The following SGPP1 variants were observed in gnomAD, a reference collection of about 807,000 sequenced individuals.
SGPP1 encodes hSPP1.
In SGPP1, 21 loss-of-function variants were observed where a neutral mutation model predicts 33.0. The observed-to-expected ratio is 0.64, with a 90% CI of 0.45 to 0.92. SGPP1 has a LOEUF of 0.92. Among genes scored for constraint, SGPP1 ranks in the 40% least tolerant of loss-of-function variants. The pLI is 0.00. For missense variants in SGPP1, 543 were observed against 589.4 expected (o/e 0.92, Z 0.81); for synonymous variants, 239 against 241.2 (o/e 0.99, Z 0.08).
At chr14:63,726,788 A>C (rs540946968) in intron 1 of SGPP1, among the ~76,000 whole-genome samples, 61 of 152,328 alleles carry the variant, frequency 4.0e-4, no homozygotes, top group African/African-American at 1.3e-3. Context: ...TTGTTTTGGA[A>C]TTACACTAAC....
chr14:63,688,315 C>CAAAAAAAAAAAAAAAAAAA (rs71120275), intron 2 of SGPP1, among the ~76,000 whole-genome samples: 2 of 31,432 alleles, frequency 6.4e-5, no homozygotes, highest in African/African-American at 9.9e-5. Context: ...GACTCTGTCT[C>CAAAAAAAAAAAAAAAAAAA]AAAAAAAAAA....
intron 1 of SGPP1, among the ~76,000 whole-genome samples, chr14:63,713,566 A>G (rs1484840659): frequency 1.3e-5 from 2 of 152,208 alleles, no homozygotes; most frequent in African/African-American, 2.4e-5. Context: ...CAAAATCTCT[A>G]AAGTCTAAAA....
chr14:63,720,978 G>T (rs139478105), intron 1 of SGPP1, among the ~76,000 whole-genome samples: 1,703 of 152,210 alleles, frequency 0.011, 34 homozygotes, highest in African/African-American at 0.038. Flanking sequence ...TGCCTCCCAG[G>T]TTAAAGCAAT....
chr14:63,727,671 C>A lies in SGPP1; in HGVS notation c.274G>T (p.Gly92Trp). The stretch of plus-strand genomic sequence containing the variant: ...GCCGGGCCCAGCTCGGCCGCCAGCC[C>A]GTTCCGCACGCCGTTGGGGGCGCCG... ...GGGAPNGVRN[G>W]LAAELGPASP... The change falls in exon 1 of 3, where the codon GGG (glycine) becomes TGG (tryptophan). Residue 92 changes from glycine to tryptophan, a missense_variant. Gly to Trp is a radical substitution (Grantham distance 184). Transcript: ENST00000247225. 6 of 1,336,892 alleles carry A rather than the reference C, an allele frequency of 4.5e-6. No individual in the cohort carries two copies. The highest frequency in any genetic ancestry group is 1.9e-5 in the South Asian group (1 of 51,884). The allele number at this position is 1,336,892 out of a possible 1,614,324, so 82.8% of individuals were successfully genotyped here.
intron 1 of SGPP1, among the ~76,000 whole-genome samples, chr14:63,719,942 C>G (rs1885734132): frequency 6.7e-6 from 1 of 149,280 alleles, no homozygotes; most frequent in African/African-American, 2.5e-5. Context: ...CGGTGAAACC[C>G]CATCTCTACT....
intron 1 of SGPP1, among the ~76,000 whole-genome samples, chr14:63,724,514 T>G (rs971617806): frequency 6.8e-6 from 1 of 146,302 alleles, no homozygotes; most frequent in Non-Finnish European, 1.5e-5. Flanking sequence ...AGGCTTTCTA[T>G]ATAAGCCTCC....
chr14:63,695,943 T>C (rs1361258443), intron 2 of SGPP1, among the ~76,000 whole-genome samples: 1 of 151,806 alleles, frequency 6.6e-6, no homozygotes, highest in East Asian at 1.9e-4. Context: ...AGAACAGATG[T>C]TGTCCATCCT....
intron 2 of SGPP1, among the ~76,000 whole-genome samples, chr14:63,693,580 G>A (rs560191207): frequency 1.3e-5 from 2 of 152,234 alleles, no homozygotes; most frequent in East Asian, 3.9e-4. Context: ...GTGAAATGAA[G>A]GGTTAACAGC....
Position 63,686,009 on chromosome 14 carries a change from T to A in SGPP1, c.*96A>T, listed in dbSNP as rs576257487. On this transcript the variant is annotated 3_prime_UTR_variant, in exon 3 of 3. Coordinates refer to ENST00000247225, the MANE Select transcript of SGPP1 (RefSeq NM_030791.4). ...TAAATAATTATTTAAGTTAAATTCC[T>A]GCAAAAGCCTAATTCTGACCTGGCT... is the stretch of plus-strand genomic sequence containing the variant. The A allele has an allele frequency of 1.5e-6, 1 of 680,532 alleles. No homozygotes were observed. The highest frequency in any genetic ancestry group is 2.9e-5 in the East Asian group (1 of 34,546). The allele number at this position is 680,532 out of a possible 1,614,324, so 42.2% of individuals were successfully genotyped here.
chr14:63,698,949 A>G (rs1885244142), intron 1 of SGPP1, among the ~76,000 whole-genome samples: 1 of 152,206 alleles, frequency 6.6e-6, no homozygotes, highest in Non-Finnish European at 1.5e-5. Flanking sequence ...GGCATGGTAT[A>G]GGAGGAGGAG....
At chr14:63,701,574 C>G (rs1885300491) in intron 1 of SGPP1, among the ~76,000 whole-genome samples, 1 of 152,024 alleles carries the variant, frequency 6.6e-6, no homozygotes, top group African/African-American at 2.4e-5. Context: ...TTTCTGATCA[C>G]CAAGTATGAC....
At chr14:63,694,997 G>C (rs2139631693) in intron 2 of SGPP1, among the ~76,000 whole-genome samples, 1 of 152,040 alleles carries the variant, frequency 6.6e-6, no homozygotes, top group Non-Finnish European at 1.5e-5. Context: ...CTAGTGATTT[G>C]CTGAGACTGA....
chr14:63,724,907 C>T (rs1240289702), intron 1 of SGPP1, among the ~76,000 whole-genome samples: 2 of 150,116 alleles, frequency 1.3e-5, no homozygotes, highest in Non-Finnish European at 1.5e-5. Context: ...AAAGCTGGCA[C>T]TTGGGAGGCC....
chr14:63,707,156 T>C (rs1013657152), intron 1 of SGPP1, among the ~76,000 whole-genome samples: 3 of 152,022 alleles, frequency 2.0e-5, no homozygotes, highest in Non-Finnish European at 2.9e-5. Flanking sequence ...TTGCATCTAA[T>C]GTCAGTGTTA....
At chr14:63,692,049 A>G (rs1885102843) in intron 2 of SGPP1, among the ~76,000 whole-genome samples, 1 of 152,262 alleles carries the variant, frequency 6.6e-6, no homozygotes, top group African/African-American at 2.4e-5. Context: ...CAAGAGCTCT[A>G]TAAGAGAAGC....
rs113513320 is a variant in SGPP1, at chr14:63,723,950, T to C, written c.684+3311A>G. On this transcript the variant is annotated intron_variant, in intron 1 of 2. Coordinates refer to ENST00000247225, the MANE Select transcript of SGPP1 (RefSeq NM_030791.4). ...TGAAGTGCAGTGGTGCAATCACACCTCACTGCAGCCTCAACCTCCCAGGCT... is the reference window on the plus strand; with the variant it reads ...TGAAGTGCAGTGGTGCAATCACACCCCACTGCAGCCTCAACCTCCCAGGCT... Among the ~76,000 whole-genome samples, 1,242 of 152,116 alleles carry C rather than the reference T, an allele frequency of 8.2e-3. 11 individuals are homozygous for C. The highest frequency in any genetic ancestry group is 0.028 in the African/African-American group (1,160 of 41,490).
rs776698745 is a variant in SGPP1, at chr14:63,688,714, C to CT, written c.775-2059dup. The stretch of plus-strand genomic sequence containing the variant: ...AGGTCTTCAAAAACAACCGTCATTT[C>CT]TTTTTTTTTTCTTTTTTTTTTTTTT... On this transcript the variant is annotated intron_variant, in intron 2 of 2. Transcript: ENST00000247225. Among the ~76,000 whole-genome samples the CT allele has an allele frequency of 8.1e-4, 114 of 140,880 alleles. 1 individual carries two copies. Among genetic ancestry groups the CT allele is most frequent in the African/African-American group, 1.9e-3 (71 of 36,446 alleles). 92.4% of individuals were successfully genotyped at this position (140,880 alleles called of 152,430 possible).
intron 1 of SGPP1, among the ~76,000 whole-genome samples, chr14:63,700,779 A>G (rs1166606270): frequency 3.9e-5 from 6 of 152,184 alleles, no homozygotes; most frequent in African/African-American, 1.2e-4. Flanking sequence ...AGGGTCATGC[A>G]ACTAATTTTG....
chr14:63,717,618 G>A (rs112994287), intron 1 of SGPP1, among the ~76,000 whole-genome samples: 1,824 of 152,134 alleles, frequency 0.012, 50 homozygotes, highest in African/African-American at 0.041. Context: ...CACCACACCC[G>A]TACTGAAATT....
Sources: gnomAD v4.1 joint callset for allele counts (sites outside exome capture counted in the v4.1 genomes callset) on GRCh38, gnomAD v4.1.1 for gene constraint, MANE v1.5 for transcripts, NCBI Gene and HGNC (gene_info 2026-07-23, HGNC 2026-07-21) for gene names.